The following MAP3K4 variants were observed in gnomAD, a reference collection of about 807,000 sequenced individuals.
MAP3K4 encodes mitogen-activated protein kinase kinase kinase 4.
In MAP3K4, 67 loss-of-function variants were observed where a neutral mutation model predicts 185.6. That is an observed-to-expected ratio of 0.36 (90% CI 0.30 to 0.44). The LOEUF is 0.44. Among genes scored for constraint, MAP3K4 ranks in the 20% least tolerant of loss-of-function variants. The pLI is 1.00. For missense variants in MAP3K4, 1,551 were observed against 1,995.1 expected (o/e 0.78, Z 4.24); for synonymous variants, 702 against 710.4 (o/e 0.99, Z 0.19).
rs1217037066 is a variant in MAP3K4 at position 161,063,895 on chromosome 6, G to GC, written c.1708-6712dup. On this transcript the variant is annotated intron_variant, in intron 3 of 26. Transcript: ENST00000392142. This position sits in a 1 kb window ranked among gnomAD's most constrained non-coding sequence, Gnocchi z 5.4. ...CTGTTAATTTCCTCTGCTTCCCTCC[G>GC]CTAATGCTGATACCACATGGCTCTT... Among the ~76,000 whole-genome samples, 2 of 151,998 alleles carry GC rather than the reference G, an allele frequency of 1.3e-5. No homozygotes were observed. The highest frequency in any genetic ancestry group is 2.9e-5 in the Non-Finnish European group (2 of 68,008).
At position 161,082,686 on chromosome 6, in the gene MAP3K4, C is replaced by A. The variant is rs566457844; in HGVS notation, c.2255+1648C>A. On this transcript the variant is annotated intron_variant, in intron 6 of 26. Transcript: ENST00000392142. This position sits in a 1 kb window ranked among gnomAD's most constrained non-coding sequence, Gnocchi z 4.2. Reference sequence around the variant, plus strand: ...CTCCTTTGTTTCCTGCACACACTACCTCGACTCTTTTTGGGTGCCCTTTGA... The same window carrying A: ...CTCCTTTGTTTCCTGCACACACTACATCGACTCTTTTTGGGTGCCCTTTGA... Among the ~76,000 whole-genome samples, 4 of 152,164 alleles carry A rather than the reference C, an allele frequency of 2.6e-5. No homozygotes were observed. Among genetic ancestry groups the A allele is most frequent in the Non-Finnish European group, 5.9e-5 (4 of 68,046 alleles).
Position 161,111,959 on chromosome 6 carries a change from G to A in MAP3K4, c.4519+1G>A. 6.2e-7 allele frequency: 1 copy of A among 1,613,800 alleles called. No homozygotes were observed. The highest frequency in any genetic ancestry group is 8.5e-7 in the Non-Finnish European group (1 of 1,179,858). On this transcript the variant is annotated splice_donor_variant, in intron 24 of 26. Transcript: ENST00000392142. LOFTEE classifies it high-confidence loss of function. Reference sequence around the variant, plus strand: ...GTGAACAGCACCCTGGGGACAGCAGGTAGGGACCAGCCTGGTTGTTCTTTG... The same window carrying A: ...GTGAACAGCACCCTGGGGACAGCAGATAGGGACCAGCCTGGTTGTTCTTTG...
rs758751353 is a variant in MAP3K4 at position 161,076,622 on chromosome 6, C to G, written c.2097+3010C>G. Among the ~76,000 whole-genome samples, 13 of 152,108 alleles carry G rather than the reference C, an allele frequency of 8.5e-5. No homozygotes were observed. Among genetic ancestry groups the G allele is most frequent in the Non-Finnish European group, 1.9e-4 (13 of 68,032 alleles). On this transcript the variant is annotated intron_variant, in intron 5 of 26. Coordinates refer to ENST00000392142, the MANE Select transcript of MAP3K4 (RefSeq NM_005922.4). This position sits in a 1 kb window ranked among gnomAD's most constrained non-coding sequence, Gnocchi z 4.2. ...TAATACATGATGTAGGAACATGTGA[C>G]AGCCTTAAGGAAACCACTTAAAAAG...
rs1274629890 is a variant in MAP3K4, at chr6:161,051,787, A to G, written c.1707+1808A>G. Among the ~76,000 whole-genome samples, 4 of 152,170 alleles carry G rather than the reference A, an allele frequency of 2.6e-5. No homozygotes were observed. The highest frequency in any genetic ancestry group is 6.5e-5 in the Admixed American group (1 of 15,274). ...GCTTTAAATCATCTATAGATTACTTATAATACCTAATACAATGTAAATGCT... is the reference window on the plus strand; with the variant it reads ...GCTTTAAATCATCTATAGATTACTTGTAATACCTAATACAATGTAAATGCT... On this transcript the variant is annotated intron_variant, in intron 3 of 26. Transcript: ENST00000392142. This position sits in a 1 kb window ranked among gnomAD's most constrained non-coding sequence, Gnocchi z 4.2.
rs554093840 is a variant in MAP3K4, at chr6:160,995,202, A to G, written c.152+3119A>G. Among the ~76,000 whole-genome samples, 3 of 152,242 alleles carry G rather than the reference A, an allele frequency of 2.0e-5. No homozygotes were observed. The South Asian group carries it at 6.2e-4, about 32-fold the overall frequency. On this transcript the variant is annotated intron_variant, in intron 1 of 26. Coordinates refer to ENST00000392142, the MANE Select transcript of MAP3K4 (RefSeq NM_005922.4). ...ATTTGCATTTCCCTGATAATTAGTG[A>G]TGTTGAGCATTTTTTCTTATGTTTG...
intron 2 of MAP3K4, among the ~76,000 whole-genome samples, chr6:161,040,679 T>A (rs1168045495): frequency 2.0e-5 from 3 of 152,184 alleles, no homozygotes; most frequent in Admixed American, 6.5e-5. Flanking sequence ...GCATAGCAAA[T>A]TCAAAATTAG....
In MAP3K4 at chr6:161,087,733, A is replaced by G; in HGVS notation, c.2602A>G (p.Thr868Ala). The change falls in exon 10 of 27, where the codon ACT becomes GCT. Residue 868 changes from threonine (T) to alanine (A), a missense_variant. Thr to Ala is a moderately conservative substitution (Grantham distance 58). Transcript: ENST00000392142. The surrounding 1 kb of genome is among the most constrained non-coding windows in gnomAD (Gnocchi z 4.9). The stretch of plus-strand genomic sequence containing the variant: ...AAACTTGCAAATGTTTGTTCCAGAC[A>G]CTCTTGCTGAGGAGAAGAGTATTAT... ...LENLQMFVPD[T>A]LAEEKSIILQ... is the part of the protein sequence containing the mutation. 1 of 1,614,084 alleles carries G rather than the reference A, an allele frequency of 6.2e-7. No individual in the cohort carries two copies. Among genetic ancestry groups the G allele is most frequent in the Non-Finnish European group, 8.5e-7 (1 of 1,180,004 alleles).
At chr6:161,019,818 A>G (rs1782293045) in intron 1 of MAP3K4, among the ~76,000 whole-genome samples, 1 of 152,202 alleles carries the variant, frequency 6.6e-6, no homozygotes, top group Non-Finnish European at 1.5e-5. Flanking sequence ...TAAAATGTTA[A>G]TTTATGTTAA....
rs539826805 is a variant in MAP3K4, at chr6:161,110,716, T to G, written c.4396+802T>G. Among the ~76,000 whole-genome samples, 1 of 152,158 alleles carries G rather than the reference T, an allele frequency of 6.6e-6. No individual in the cohort carries two copies. The highest frequency in any genetic ancestry group is 2.4e-5 in the African/African-American group (1 of 41,434). On this transcript the variant is annotated intron_variant, in intron 23 of 26. Transcript: ENST00000392142. The surrounding 1 kb of genome is among the most constrained non-coding windows in gnomAD (Gnocchi z 4.8). ...TTACACCAGTCTGCTTTGGTCTGGG[T>G]GTAAGCATTGTTCGTGCTCTGTAAT...
chr6:161,021,523 A>G (rs1782388838), intron 1 of MAP3K4, among the ~76,000 whole-genome samples: 4 of 152,156 alleles, frequency 2.6e-5, no homozygotes, highest in Admixed American at 2.6e-4. Context: ...GTCAGTTGAA[A>G]TGCTCCTTCT....
chr6:161,057,365 AG>A, intron 3 of MAP3K4, among the ~76,000 whole-genome samples: 1 of 152,228 alleles, frequency 6.6e-6, no homozygotes, highest in East Asian at 1.9e-4. Flanking sequence ...TTCCAAATGC[AG>A]AAACCAGTTT....
In MAP3K4 at chr6:161,056,936, C is replaced by T. The variant is rs1270663805; in HGVS notation, c.1707+6957C>T. ...TTTGTGCAATTTAAAATGTTAAATA[C>T]AAAATACTGTAATATGGTTATTTTG... On this transcript the variant is annotated intron_variant, in intron 3 of 26. Coordinates refer to ENST00000392142, the MANE Select transcript of MAP3K4 (RefSeq NM_005922.4). The surrounding 1 kb of genome is among the most constrained non-coding windows in gnomAD (Gnocchi z 5.4). Among the ~76,000 whole-genome samples, 1 of 152,114 alleles carries T rather than the reference C, an allele frequency of 6.6e-6. No individual in the cohort carries two copies. Among genetic ancestry groups the T allele is most frequent in the Non-Finnish European group, 1.5e-5 (1 of 68,018 alleles).
In MAP3K4 at chr6:161,089,365, C is replaced by T. The variant is rs1338061004; in HGVS notation, c.2867C>T (p.Thr956Ile). ...GTTGTCATGCAGTCTGCGCATCTCACAATTCAGAGAAAAGCTTTCCAGCAG... is the reference window on the plus strand; with the variant it reads ...GTTGTCATGCAGTCTGCGCATCTCATAATTCAGAGAAAAGCTTTCCAGCAG... ...LLVVMQSAHL[T>I]IQRKAFQQSI... The change falls in exon 11 of 27, where the codon ACA (threonine) becomes ATA (isoleucine). Residue 956 changes from threonine to isoleucine, a missense_variant. By Grantham distance (89) the Thr-to-Ile change is moderately conservative (BLOSUM62 -1). This residue lies in a region of MAP3K4 where 261 missense variants were observed against 306.5 expected (regional missense o/e 0.85). Coordinates refer to ENST00000392142, the MANE Select transcript of MAP3K4 (RefSeq NM_005922.4). 1 of 1,614,182 alleles carries T rather than the reference C, an allele frequency of 6.2e-7. No homozygotes were observed.
chr6:161,083,896 A>G (rs1188509211), intron 6 of MAP3K4, among the ~76,000 whole-genome samples: 3 of 152,300 alleles, frequency 2.0e-5, no homozygotes, highest in East Asian at 1.9e-4. Context: ...TGCATCTGAT[A>G]TTAGTTCTGT....
At chr6:161,050,615 C>A (rs775167474) in intron 3 of MAP3K4, among the ~76,000 whole-genome samples, 18 of 151,046 alleles carry the variant, frequency 1.2e-4, no homozygotes, top group Non-Finnish European at 2.2e-4. Context: ...AATGTGCCCA[C>A]TAGAGGAAGT....
Position 161,098,110 on chromosome 6 carries a change from T to C in MAP3K4, c.3525-168T>C. On this transcript the variant is annotated intron_variant, in intron 16 of 26. Coordinates refer to ENST00000392142, the MANE Select transcript of MAP3K4 (RefSeq NM_005922.4). The surrounding 1 kb of genome is among the most constrained non-coding windows in gnomAD (Gnocchi z 4.4). ...TCAAAAAAAAGAAAAGCTTTGAAGT[T>C]AGGTTTTTTCTTTTTTACACCTAGA... 1.3e-6 allele frequency: 1 copy of C among 783,234 alleles called. No individual in the cohort carries two copies. The allele number at this position is 783,234 out of a possible 1,614,324, so 48.5% of individuals were successfully genotyped here. A position where few individuals can be genotyped will look rare whatever the true frequency, so the allele number is the denominator to read the frequency against.
Position 161,048,328 on chromosome 6 carries a change from A to G in MAP3K4, c.344-288A>G, listed in dbSNP as rs771872657. The G allele has an allele frequency of 1.6e-6, 1 of 608,124 alleles. No individual in the cohort carries two copies. The highest frequency in any genetic ancestry group is 3.2e-6 in the Non-Finnish European group (1 of 311,160). The allele number at this position is 608,124 out of a possible 1,614,324, so 37.7% of individuals were successfully genotyped here. On this transcript the variant is annotated intron_variant, in intron 2 of 26. Coordinates refer to ENST00000392142, the MANE Select transcript of MAP3K4 (RefSeq NM_005922.4). The surrounding 1 kb of genome is among the most constrained non-coding windows in gnomAD (Gnocchi z 4.7). ...CGGAAATTTGGTTAAATGATTTGAT[A>G]ACTATGCTTTGTAGCATAGAGAGAA...
intron 1 of MAP3K4, among the ~76,000 whole-genome samples, chr6:160,993,350 A>AT (rs1461802892): frequency 1.3e-5 from 2 of 152,208 alleles, no homozygotes; most frequent in African/African-American, 2.4e-5. Flanking sequence ...TTTTCGAGCA[A>AT]TTTTGATACC....
intron 1 of MAP3K4, among the ~76,000 whole-genome samples, chr6:161,032,484 G>C (rs1163495052): frequency 6.6e-6 from 1 of 152,104 alleles, no homozygotes; most frequent in Non-Finnish European, 1.5e-5. Context: ...TCCTTATTTT[G>C]TAAATGTACA....
Sources: gnomAD v4.1 joint callset for allele counts (sites outside exome capture counted in the v4.1 genomes callset) on GRCh38, gnomAD v4.1.1 for gene constraint, gnomAD v4.1.1 regional missense constraint, Gnocchi (gnomAD v3.1) non-coding constraint, MANE v1.5 for transcripts, NCBI Gene and HGNC (gene_info 2026-07-23, HGNC 2026-07-21) for gene names.